The following GPC6 variants were observed in gnomAD, a reference collection of about 807,000 sequenced individuals.
The protein encoded by GPC6 is glypican 6, also known as glypican-6.
In GPC6, 14 loss-of-function variants were observed where a neutral mutation model predicts 55.2. The observed-to-expected ratio is 0.25, with a 90% CI of 0.17 to 0.40. GPC6 has a LOEUF of 0.40. GPC6 is among the 10% of genes least tolerant of loss of function. GPC6 has a pLI of 1.00. For synonymous variants in GPC6, 278 were observed against 259.6 expected, an observed-to-expected ratio of 1.07 and a Z score of -0.68; for missense variants, 641 against 708.5, an observed-to-expected ratio of 0.90 and a Z score of 1.08.
intron 1 of GPC6, among the ~76,000 whole-genome samples, chr13:93,467,599 T>TTTTTTTTA (rs1222337534): frequency 7.2e-6 from 1 of 138,512 alleles, no homozygotes; most frequent in Non-Finnish European, 1.6e-5. Flanking sequence ...TTTTTTTTTT[T>TTTTTTTTA]GAGACATGGT....
intron 4 of GPC6, among the ~76,000 whole-genome samples, chr13:94,126,516 A>G (rs1009199546): frequency 2.6e-5 from 4 of 152,184 alleles, no homozygotes; most frequent in African/African-American, 7.2e-5. Flanking sequence ...CTACCAGGAA[A>G]AAGTTGAACT....
At chr13:93,405,432 G>A (rs74108517) in intron 1 of GPC6, among the ~76,000 whole-genome samples, 4,973 of 152,168 alleles carry the variant, frequency 0.033, 278 homozygotes, top group African/African-American at 0.11. Context: ...AAATCCTTTC[G>A]CCGCTGGAGT....
intron 4 of GPC6, among the ~76,000 whole-genome samples, chr13:94,178,690 C>T (rs992531437): frequency 2.0e-5 from 3 of 152,212 alleles, no homozygotes; most frequent in African/African-American, 7.2e-5. Flanking sequence ...TCACAACCCT[C>T]TTTTAAGATT....
intron 4 of GPC6, among the ~76,000 whole-genome samples, chr13:94,236,817 C>T (rs563298639): frequency 6.6e-6 from 1 of 151,402 alleles, no homozygotes; most frequent in Non-Finnish European, 1.5e-5. Context: ...GCAGAGAAGG[C>T]AAGAATGGAG....
intron 1 of GPC6, among the ~76,000 whole-genome samples, chr13:93,386,685 TACA>T (rs1875421313): frequency 6.6e-6 from 1 of 152,214 alleles, no homozygotes; most frequent in South Asian, 2.1e-4. Context: ...CCATGGTTGC[TACA>T]ATAAATTGTC....
chr13:94,091,898 G>A (rs2138812649), intron 4 of GPC6, among the ~76,000 whole-genome samples: 1 of 78,606 alleles, frequency 1.3e-5, no homozygotes. Context: ...CAAATTCTGT[G>A]TGTGTGTGTT....
intron 3 of GPC6, among the ~76,000 whole-genome samples, chr13:93,848,213 C>T (rs1415634000): frequency 6.6e-6 from 1 of 152,114 alleles, no homozygotes; most frequent in Admixed American, 6.6e-5. Flanking sequence ...CTATCTGCAT[C>T]CTCAAATTCT....
At chr13:93,597,867 T>C (rs903755107) in intron 2 of GPC6, among the ~76,000 whole-genome samples, 34 of 152,164 alleles carry the variant, frequency 2.2e-4, no homozygotes, top group Non-Finnish European at 1.3e-4. Flanking sequence ...ATATGTGGGC[T>C]GGGCGCGGTG....
chr13:94,076,161 A>C (rs1352121400), intron 4 of GPC6, among the ~76,000 whole-genome samples: 2 of 151,442 alleles, frequency 1.3e-5, no homozygotes, highest in African/African-American at 4.8e-5. Flanking sequence ...TGATCATCCT[A>C]GCAGGTGTGA....
At chr13:94,114,992 T>A (rs1886384984) in intron 4 of GPC6, among the ~76,000 whole-genome samples, 1 of 152,148 alleles carries the variant, frequency 6.6e-6, no homozygotes, top group Non-Finnish European at 1.5e-5. Flanking sequence ...TTCTCAACCA[T>A]TAAACTCTAT....
chr13:94,254,552 A>G (rs548823807), intron 4 of GPC6, among the ~76,000 whole-genome samples: 4 of 152,236 alleles, frequency 2.6e-5, no homozygotes, highest in South Asian at 2.1e-4. Context: ...AAAAATAATA[A>G]AAGTGTAATA....
At chr13:93,325,940 G>A (rs867399405) in intron 1 of GPC6, among the ~76,000 whole-genome samples, 6 of 152,134 alleles carry the variant, frequency 3.9e-5, no homozygotes, top group African/African-American at 2.4e-5. Context: ...TTCAACAGAT[G>A]TTCATTAAGT....
chr13:94,321,265 C>A (rs1046512804), intron 6 of GPC6, among the ~76,000 whole-genome samples: 4 of 152,106 alleles, frequency 2.6e-5, no homozygotes, highest in Admixed American at 6.5e-5. Flanking sequence ...TTTATGGCTG[C>A]GTAGTATTTC....
intron 4 of GPC6, among the ~76,000 whole-genome samples, chr13:94,255,317 C>G (rs1478322842): frequency 6.6e-6 from 1 of 152,118 alleles, no homozygotes; most frequent in East Asian, 1.9e-4. Flanking sequence ...AAAAAGACAA[C>G]TTTTGGTTCA....
chr13:93,559,549 C>T (rs993154035), intron 2 of GPC6, among the ~76,000 whole-genome samples: 13 of 152,116 alleles, frequency 8.5e-5, no homozygotes, highest in Admixed American at 3.9e-4. Context: ...TGAATACAAA[C>T]AAATTCTGCA....
intron 2 of GPC6, among the ~76,000 whole-genome samples, chr13:93,768,284 ACT>A (rs1378383806): frequency 3.3e-5 from 5 of 152,040 alleles, no homozygotes; most frequent in African/African-American, 9.7e-5. Context: ...AGAGCAAATG[ACT>A]CTGCTTAACA....
At chr13:94,307,688 A>G (rs968909726) in intron 6 of GPC6, among the ~76,000 whole-genome samples, 1 of 152,232 alleles carries the variant, frequency 6.6e-6, no homozygotes, top group Non-Finnish European at 1.5e-5. Context: ...ACAACCAATT[A>G]GATTCCACCA....
At position 94,405,454 on chromosome 13, in the gene GPC6, C is replaced by T. The variant is rs1397403399; in HGVS notation, c.*2237C>T. 6.6e-6 allele frequency: 1 copy of T among 152,162 alleles called. No individual in the cohort carries two copies. The highest frequency in any genetic ancestry group is 2.4e-5 in the African/African-American group (1 of 41,440). 9.4% of individuals were successfully genotyped at this position (152,162 alleles called of 1,614,324 possible). A position where few individuals can be genotyped will look rare whatever the true frequency, so the allele number is the denominator to read the frequency against. ...TACAAATTAAATCAACCTTGATTTT[C>T]CAGACTATTTGAATAATAACTTGCT... On this transcript the variant is annotated 3_prime_UTR_variant, in exon 9 of 9. Coordinates refer to ENST00000377047, the MANE Select transcript of GPC6 (RefSeq NM_005708.5).
At chr13:93,574,125 A>G (rs1212905182) in intron 2 of GPC6, among the ~76,000 whole-genome samples, 1 of 152,136 alleles carries the variant, frequency 6.6e-6, no homozygotes, top group South Asian at 2.1e-4. Context: ...TAATTTGCAT[A>G]CCGTTAGAGG....
Sources: allele counts gnomAD v4.1 joint callset (sites outside exome capture counted in the v4.1 genomes callset), GRCh38; gene constraint gnomAD v4.1.1; transcripts MANE v1.5; gene names NCBI Gene and HGNC (gene_info 2026-07-23, HGNC 2026-07-21).